TNIK: variants seen among roughly 807,000 people sequenced by gnomAD.
TNIK encodes the protein TRAF2 and NCK interacting kinase, also known as TRAF2 and NCK-interacting protein kinase.
A neutral mutation model predicts 191.3 loss-of-function variants in TNIK; 49 were observed. That is an observed-to-expected ratio of 0.26 (90% CI 0.20 to 0.32). TNIK has a LOEUF of 0.32. Among genes scored for constraint, TNIK ranks in the 10% least tolerant of loss-of-function variants. The pLI, the probability that TNIK is intolerant of heterozygous loss-of-function variation, is 1.00. For synonymous variants in TNIK, 594 were observed against 600.9 expected (o/e 0.99, Z 0.17); for missense variants, 1,155 against 1,702.3 (o/e 0.68, Z 5.66).
chr3:171,443,036 T>C (rs139954129), intron 1 of TNIK, among the ~76,000 whole-genome samples: 311 of 152,316 alleles, frequency 2.0e-3, no homozygotes, highest in African/African-American at 7.3e-3. Flanking sequence ...GAATAGCATC[T>C]GGGTATTGGC....
chr3:171,171,673 G>T (rs901929973), intron 9 of TNIK, among the ~76,000 whole-genome samples: 1 of 152,194 alleles, frequency 6.6e-6, no homozygotes, highest in Non-Finnish European at 1.5e-5. Context: ...AGAAAGTCCT[G>T]GAGGGAAGCA....
At chr3:171,166,877 G>C (rs1734683480) in intron 10 of TNIK, among the ~76,000 whole-genome samples, 1 of 152,142 alleles carries the variant, frequency 6.6e-6, no homozygotes. Flanking sequence ...GCCTGGCAGA[G>C]GTAATGTTTC....
intron 2 of TNIK, among the ~76,000 whole-genome samples, chr3:171,327,520 C>T (rs565241043): frequency 6.5e-4 from 99 of 152,258 alleles, no homozygotes; most frequent in Admixed American, 1.3e-3. Context: ...CTCTCTTCAG[C>T]TGACTCTGGA....
At chr3:171,162,215 A>C (rs3211488) in intron 10 of TNIK, among the ~76,000 whole-genome samples, 1 of 152,018 alleles carries the variant, frequency 6.6e-6, no homozygotes, top group Non-Finnish European at 1.5e-5. Flanking sequence ...AGGTCAGAAG[A>C]TCGAGACCAT....
chr3:171,217,592 G>A (rs1274969325), intron 3 of TNIK, among the ~76,000 whole-genome samples: 1 of 152,164 alleles, frequency 6.6e-6, no homozygotes, highest in Non-Finnish European at 1.5e-5. Context: ...TTTACTAAGT[G>A]CCTACTATAT....
intron 2 of TNIK, among the ~76,000 whole-genome samples, chr3:171,283,485 C>CAGG (rs1475114037): frequency 3.9e-5 from 6 of 152,190 alleles, no homozygotes; most frequent in Non-Finnish European, 7.3e-5. Context: ...TAATCAGCAT[C>CAGG]ACCATTCACC....
At chr3:171,262,785 C>T (rs1747812216) in intron 2 of TNIK, among the ~76,000 whole-genome samples, 1 of 152,192 alleles carries the variant, frequency 6.6e-6, no homozygotes, top group Admixed American at 6.5e-5. Context: ...CTCAATAAAA[C>T]CACACTATTT....
chr3:171,109,652 T>G (rs1243509899), intron 19 of TNIK, among the ~76,000 whole-genome samples: 4 of 152,230 alleles, frequency 2.6e-5, no homozygotes, highest in African/African-American at 9.6e-5. Context: ...CTTATAAGTA[T>G]GTTAATATTT....
In TNIK at chr3:171,063,603, C is replaced by T. The variant is rs1455839530; in HGVS notation, c.*278G>A. ...GAGCACACAATATTTGTTTCTATCCCTAATTCCGAAGGGCACATGGTCCAT... is the reference window on the plus strand; with the variant it reads ...GAGCACACAATATTTGTTTCTATCCTTAATTCCGAAGGGCACATGGTCCAT... On this transcript the variant is annotated 3_prime_UTR_variant, in exon 33 of 33. Coordinates refer to ENST00000436636, the MANE Select transcript of TNIK (RefSeq NM_015028.4). The T allele has an allele frequency of 9.2e-6, 3 of 324,672 alleles. No individual in the cohort carries two copies. Among genetic ancestry groups the T allele is most frequent in the East Asian group, 1.1e-4 (2 of 17,724 alleles). The allele number at this position is 324,672 out of a possible 1,614,324, so 20.1% of individuals were successfully genotyped here.
rs1728849917 is a variant in TNIK, at chr3:171,128,867, C to T, written c.1620G>A (p.Arg540=). The change falls in exon 16 of 33, where the codon CGG becomes CGA. Residue 540 remains arginine (R), a synonymous_variant. Transcript: ENST00000436636. Reference sequence around the variant, plus strand: ...GGGAACTTTGCCGGTTGAGCCTTGACCGTTCTTCTACCTACAACCCAAAAA... The same window carrying T: ...GGGAACTTTGCCGGTTGAGCCTTGATCGTTCTTCTACCTACAACCCAAAAA... ...KPAWAKEVEE[R]SRLNRQSSPA... 1 of 1,527,540 alleles carries T rather than the reference C, an allele frequency of 6.5e-7. No homozygotes were observed. The highest frequency in any genetic ancestry group is 1.5e-5 in the African/African-American group (1 of 67,500). 94.6% of individuals were successfully genotyped at this position (1,527,540 alleles called of 1,614,324 possible). A position where few individuals can be genotyped will look rare whatever the true frequency, so the allele number is the denominator to read the frequency against.
chr3:171,309,567 A>C (rs1753803582), intron 2 of TNIK, among the ~76,000 whole-genome samples: 1 of 152,168 alleles, frequency 6.6e-6, no homozygotes, highest in Admixed American at 6.5e-5. Context: ...AGTTTAAAAA[A>C]ATGCTTCATT....
In TNIK at chr3:171,085,192, G is replaced by T. The variant is rs1014434497; in HGVS notation, c.2924C>A (p.Pro975His). ...MGSSTKASFT[P>H]FVDPRVYQTS... ...CTGGTATACTCTGGGGTCCACAAAG[G>T]GGGTGAAGGAGGCTTTGGTGCTGCT... Residue 975 changes from proline (P) to histidine (H), a missense_variant, in exon 25 of 33, where the codon CCC (proline) becomes CAC (histidine). Transcript: ENST00000436636. 3.7e-6 allele frequency: 6 copies of T among 1,611,600 alleles called. No homozygotes were observed. Among genetic ancestry groups the T allele is most frequent in the East Asian group, 2.2e-5 (1 of 44,850 alleles).
intron 29 of TNIK, 76 bp from the exon 30 acceptor site, chr3:171,069,073 A>C: frequency 6.7e-7 from 1 of 1,494,966 alleles, no homozygotes; most frequent in African/African-American, 1.4e-5. Flanking sequence ...CACTGTCTAG[A>C]GGAAGTTAAC....
At chr3:171,444,716 A>T (rs1727267009) in intron 1 of TNIK, among the ~76,000 whole-genome samples, 1 of 152,148 alleles carries the variant, frequency 6.6e-6, no homozygotes, top group Admixed American at 6.5e-5. Flanking sequence ...TTAGTAAAAA[A>T]ATTTTAACTT....
chr3:171,103,284 ACT>A (rs1194186616), intron 21 of TNIK, among the ~76,000 whole-genome samples: 1 of 152,068 alleles, frequency 6.6e-6, no homozygotes, highest in African/African-American at 2.4e-5. Context: ...TAGAAGGCCA[ACT>A]CTGTTTAAAT....
intron 1 of TNIK, among the ~76,000 whole-genome samples, chr3:171,394,428 C>A (rs962894440): frequency 6.6e-6 from 1 of 152,274 alleles, no homozygotes. Flanking sequence ...CCACAGCCTC[C>A]TATGCTTTAT....
At chr3:171,219,448 C>T (rs965461186) in intron 3 of TNIK, among the ~76,000 whole-genome samples, 2 of 150,796 alleles carry the variant, frequency 1.3e-5, no homozygotes, top group Non-Finnish European at 3.0e-5. Flanking sequence ...CCAGGTTCAA[C>T]CTTAGCAAGC....
chr3:171,365,604 C>T (rs1715629112), intron 2 of TNIK, among the ~76,000 whole-genome samples: 1 of 152,112 alleles, frequency 6.6e-6, no homozygotes, highest in Non-Finnish European at 1.5e-5. Flanking sequence ...AATGTGATAA[C>T]ATTCAAAGGA....
intron 9 of TNIK, among the ~76,000 whole-genome samples, chr3:171,172,609 T>A (rs1735443852): frequency 6.6e-6 from 1 of 152,150 alleles, no homozygotes; most frequent in Non-Finnish European, 1.5e-5. Context: ...CTGTCAAGTA[T>A]CATGTGCCTG....
Sources: gnomAD v4.1 joint callset for allele counts (sites outside exome capture counted in the v4.1 genomes callset) on GRCh38, gnomAD v4.1.1 for gene constraint, MANE v1.5 for transcripts, NCBI Gene and HGNC (gene_info 2026-07-23, HGNC 2026-07-21) for gene names.